The following MTPN variants were observed in gnomAD, a reference collection of about 807,000 sequenced individuals.
MTPN encodes myotrophin, also known as granule cell differentiation protein.
In MTPN, 2 loss-of-function variants were observed where a neutral mutation model predicts 13.5. The observed-to-expected ratio is 0.15, with a 90% CI of 0.06 to 0.47. The LOEUF (loss-of-function observed/expected upper bound fraction) is 0.47, where lower values mean the gene tolerates loss of function less well. Among genes scored for constraint, MTPN ranks in the 20% least tolerant of loss-of-function variants. MTPN has a pLI of 0.97. For synonymous variants in MTPN, 46 were observed against 51.7 expected (o/e 0.89, Z 0.48); for missense variants, 79 against 137.9 (o/e 0.57, Z 2.14).
At chr7:135,951,722 C>T (rs1035235056) in intron 1 of MTPN, 92 bp from the exon 2 acceptor site, 12 of 732,868 alleles carry the variant, frequency 1.6e-5, no homozygotes, top group Admixed American at 5.5e-5. Flanking sequence ...TTCTTAAAGC[C>T]GTGAGAGTTT....
intron 1 of MTPN, among the ~76,000 whole-genome samples, chr7:135,976,779 G>T (rs1347369342): frequency 1.3e-5 from 2 of 151,986 alleles, no homozygotes. Flanking sequence ...CCCCCAAGAG[G>T]CCAGGAAGTC....
intron 1 of MTPN, 54 bp from the exon 2 acceptor site, chr7:135,951,684 G>T: frequency 8.9e-7 from 1 of 1,129,620 alleles, no homozygotes; most frequent in Non-Finnish European, 1.3e-6. Context: ...GACTGAAGAA[G>T]TGAAATGAGG....
chr7:135,948,450 G>A (rs1799316158), intron 3 of MTPN, among the ~76,000 whole-genome samples: 1 of 151,782 alleles, frequency 6.6e-6, no homozygotes, highest in African/African-American at 2.4e-5. Flanking sequence ...AACAAAATGG[G>A]CATAAGCAAA....
chr7:135,927,561 T>C lies in MTPN; in HGVS notation c.*2365A>G. 1 of 721,356 alleles carries C rather than the reference T, an allele frequency of 1.4e-6. No homozygotes were observed. The highest frequency in any genetic ancestry group is 2.4e-6 in the Non-Finnish European group (1 of 410,628). The allele number at this position is 721,356 out of a possible 1,614,324, so 44.7% of individuals were successfully genotyped here. ...TGCATGTAGTACCAGAAAGCAAACA[T>C]GGTTTTAGCTTCCTTTACTCAAAAT... is the stretch of plus-strand genomic sequence containing the variant. On this transcript the variant is annotated 3_prime_UTR_variant, in exon 4 of 4. Coordinates refer to ENST00000393085, the MANE Select transcript of MTPN (RefSeq NM_145808.4).
intron 1 of MTPN, among the ~76,000 whole-genome samples, chr7:135,963,882 TTTC>T (rs1799564999): frequency 6.6e-6 from 1 of 152,046 alleles, no homozygotes; most frequent in Non-Finnish European, 1.5e-5. Flanking sequence ...ACACACCATT[TTTC>T]TTCTTTGGAA....
At chr7:135,960,570 T>C (rs769899116) in intron 1 of MTPN, 3 of 151,958 alleles carry the variant, frequency 2.0e-5, no homozygotes, top group Non-Finnish European at 2.9e-5. Context: ...AGGTAGGGTA[T>C]AAAAATCATA....
At chr7:135,942,593 AT>A (rs1297194174) in intron 3 of MTPN, among the ~76,000 whole-genome samples, 1 of 152,220 alleles carries the variant, frequency 6.6e-6, no homozygotes, top group Non-Finnish European at 1.5e-5. Flanking sequence ...GATTAAAAAA[AT>A]ATTTTATAAG....
At chr7:135,950,754 ACT>A (rs1799353426) in intron 2 of MTPN, 72 bp from the exon 3 acceptor site, 2 of 1,183,016 alleles carry the variant, frequency 1.7e-6, no homozygotes, top group African/African-American at 3.1e-5. Flanking sequence ...TAACTAGAAA[ACT>A]CTTTCTAGAT....
chr7:135,951,399 CTG>C (rs1279138386), intron 2 of MTPN, 116 bp downstream of exon 2: 4 of 518,360 alleles, frequency 7.7e-6, no homozygotes, highest in African/African-American at 3.9e-5. Context: ...TAATTTCAGA[CTG>C]TATTCTTATT....
At chr7:135,964,959 T>C (rs1268588268) in intron 1 of MTPN, among the ~76,000 whole-genome samples, 1 of 152,070 alleles carries the variant, frequency 6.6e-6, no homozygotes, top group African/African-American at 2.4e-5. Context: ...TTTTTGTAAA[T>C]AAAGTTTTAT....
chr7:135,953,861 A>G (rs1240444729), intron 1 of MTPN, among the ~76,000 whole-genome samples: 1 of 152,228 alleles, frequency 6.6e-6, no homozygotes, highest in Admixed American at 6.5e-5. Flanking sequence ...AATTCAAAGC[A>G]ATAATTTCTA....
At chr7:135,931,313 C>T (rs964647819) in intron 3 of MTPN, among the ~76,000 whole-genome samples, 1 of 152,110 alleles carries the variant, frequency 6.6e-6, no homozygotes, top group African/African-American at 2.4e-5. Context: ...ATGAGTGGCC[C>T]ATAATCAGAA....
At chr7:135,953,039 A>C (rs1799387936) in intron 1 of MTPN, among the ~76,000 whole-genome samples, 1 of 152,164 alleles carries the variant, frequency 6.6e-6, no homozygotes, top group African/African-American at 2.4e-5. Flanking sequence ...CCCTGAATCA[A>C]GATGTTCAGA....
chr7:135,937,647 C>T (rs1399271938), intron 3 of MTPN, among the ~76,000 whole-genome samples: 1 of 152,048 alleles, frequency 6.6e-6, no homozygotes, highest in Non-Finnish European at 1.5e-5. Context: ...GACCCTTGAA[C>T]GACATGGGTT....
intron 3 of MTPN, among the ~76,000 whole-genome samples, chr7:135,934,580 G>C (rs558957543): frequency 6.6e-6 from 1 of 152,318 alleles, no homozygotes; most frequent in South Asian, 2.1e-4. Context: ...CTACAACCTA[G>C]GGTTTTCTTT....
intron 3 of MTPN, among the ~76,000 whole-genome samples, chr7:135,947,717 C>A (rs374938567): frequency 6.6e-6 from 1 of 151,940 alleles, no homozygotes; most frequent in East Asian, 1.9e-4. Flanking sequence ...TGGAACAAAT[C>A]TTGATTCCAT....
intron 1 of MTPN, among the ~76,000 whole-genome samples, chr7:135,956,030 C>T (rs79774506): frequency 0.079 from 12,054 of 152,106 alleles, 541 homozygotes; most frequent in Admixed American, 0.1. Context: ...GTTGCACTAG[C>T]GGTTCTAATC....
intron 3 of MTPN, among the ~76,000 whole-genome samples, chr7:135,949,380 C>T (rs1047394384): frequency 7.2e-5 from 11 of 152,116 alleles, no homozygotes; most frequent in Admixed American, 5.9e-4. Flanking sequence ...GAAATCTTTG[C>T]GAGCACACCC....
At position 135,928,036 on chromosome 7, in the gene MTPN, T is replaced by C. The variant is rs897260666; in HGVS notation, c.*1890A>G. The C allele has an allele frequency of 1.9e-5, 4 of 212,716 alleles. No homozygotes were observed. Among genetic ancestry groups the C allele is most frequent in the Admixed American group, 5.8e-5 (1 of 17,278 alleles). The allele number at this position is 212,716 out of a possible 1,614,324, so 13.2% of individuals were successfully genotyped here. On this transcript the variant is annotated 3_prime_UTR_variant, in exon 4 of 4. Transcript: ENST00000393085. Reference sequence around the variant, plus strand: ...ACACCCTGTTGCACTACGTTGATAGTTATAGACTGATAGAGTGCCCTCCAT... The same window carrying C: ...ACACCCTGTTGCACTACGTTGATAGCTATAGACTGATAGAGTGCCCTCCAT...
Sources: gnomAD v4.1 joint callset for allele counts (sites outside exome capture counted in the v4.1 genomes callset) on GRCh38, gnomAD v4.1.1 for gene constraint, MANE v1.5 for transcripts, NCBI Gene and HGNC (gene_info 2026-07-23, HGNC 2026-07-21) for gene names.